Variants in DENND5B observed in about 807,000 individuals in gnomAD.
The protein encoded by DENND5B is DENN domain-containing protein 5B.
DENND5B carries 34 observed loss-of-function variants against 140.6 expected under a neutral mutation model. The ratio of observed to expected loss-of-function variants is 0.24; its 90% confidence interval spans 0.18 to 0.32. DENND5B has a LOEUF of 0.32. DENND5B is among the 10% of genes least tolerant of loss of function. The pLI is 1.00. For missense variants in DENND5B, 1,142 were observed against 1,560.2 expected, an observed-to-expected ratio of 0.73 and a Z score of 4.52; for synonymous variants, 551 against 562.1, an observed-to-expected ratio of 0.98 and a Z score of 0.28.
chr12:31,423,707 A>C (rs750698801), intron 10 of DENND5B, 32 bp from the exon 11 acceptor site: 2 of 1,595,212 alleles, frequency 1.3e-6, no homozygotes, highest in Non-Finnish European at 1.7e-6. Flanking sequence ...AAATTTCATA[A>C]GAAATAATTC....
chr12:31,447,916 CTT>C (rs912256714), intron 5 of DENND5B, 147 bp from the exon 6 acceptor site: 13 of 663,154 alleles, frequency 2.0e-5, no homozygotes, highest in Admixed American at 5.9e-5. Flanking sequence ...TAAAAATCCA[CTT>C]TTCTTTCCAT....
At chr12:31,449,414 T>C (rs1018255491) in intron 5 of DENND5B, among the ~76,000 whole-genome samples, 2 of 152,194 alleles carry the variant, frequency 1.3e-5, no homozygotes, top group African/African-American at 4.8e-5. Flanking sequence ...TTTTCATACA[T>C]CAAATAGCCT....
chr12:31,483,435 T>C (rs1244918827), intron 2 of DENND5B, among the ~76,000 whole-genome samples: 1 of 152,020 alleles, frequency 6.6e-6, no homozygotes, highest in East Asian at 1.9e-4. Context: ...GTGGTTATAG[T>C]ATACATCTTT....
At chr12:31,518,017 G>A (rs1045157103) in intron 1 of DENND5B, among the ~76,000 whole-genome samples, 3 of 152,188 alleles carry the variant, frequency 2.0e-5, no homozygotes, top group Non-Finnish European at 4.4e-5. Context: ...AAAAGCCTGA[G>A]TTCCCAAAGG....
intron 2 of DENND5B, among the ~76,000 whole-genome samples, chr12:31,483,680 C>T (rs1338046243): frequency 2.3e-4 from 34 of 150,906 alleles, no homozygotes; most frequent in Admixed American, 2.1e-3. Context: ...CCTCATGATC[C>T]GCCTGCTTCG....
chr12:31,385,336 G>A lies in DENND5B; in HGVS notation c.*2267C>T, dbSNP rs1275406484. The A allele has an allele frequency of 6.6e-6, 1 of 152,188 alleles. No homozygotes were observed. Among genetic ancestry groups the A allele is most frequent in the African/African-American group, 2.4e-5 (1 of 41,450 alleles). 9.4% of individuals were successfully genotyped at this position (152,188 alleles called of 1,614,324 possible). A position where few individuals can be genotyped will look rare whatever the true frequency, so the allele number is the denominator to read the frequency against. Reference sequence around the variant, plus strand: ...GTCAGTAACCAGCTGTGGGGTAAGTGTAAGATTTAATCTCTCTATTCCTTA... The same window carrying A: ...GTCAGTAACCAGCTGTGGGGTAAGTATAAGATTTAATCTCTCTATTCCTTA... On this transcript the variant is annotated 3_prime_UTR_variant, in exon 21 of 21. Transcript: ENST00000389082.
chr12:31,467,660 C>CA (rs1414372079), intron 3 of DENND5B, among the ~76,000 whole-genome samples: 1 of 152,030 alleles, frequency 6.6e-6, no homozygotes, highest in Admixed American at 6.6e-5. Context: ...TAAATTTAAA[C>CA]AAAACCAAGT....
At chr12:31,590,460 C>T in intron 1 of DENND5B, 1 of 365,816 alleles carries the variant, frequency 2.7e-6, no homozygotes, top group Non-Finnish European at 4.7e-6. Context: ...GGGCCACCCC[C>T]GCGCCTGTTA....
At chr12:31,440,542 A>C (rs1943985454) in intron 7 of DENND5B, among the ~76,000 whole-genome samples, 1 of 152,236 alleles carries the variant, frequency 6.6e-6, no homozygotes, top group African/African-American at 2.4e-5. Context: ...CATTTTCTAC[A>C]AGAGGAGAAA....
At chr12:31,391,642 T>A (rs969230737) in intron 19 of DENND5B, among the ~76,000 whole-genome samples, 2 of 152,128 alleles carry the variant, frequency 1.3e-5, no homozygotes, top group Non-Finnish European at 2.9e-5. Context: ...ATACTTGATA[T>A]TTATTTATCA....
chr12:31,529,219 G>C lies in DENND5B; in HGVS notation c.128-33300C>G, dbSNP rs76451029. Among the ~76,000 whole-genome samples the C allele has an allele frequency of 8.4e-3, 1,260 of 150,406 alleles. 14 individuals are homozygous for C. The highest frequency in any genetic ancestry group is 0.029 in the African/African-American group (1,208 of 41,048). On this transcript the variant is annotated intron_variant, in intron 1 of 20. Transcript: ENST00000389082. ...ATGAGGTATTGGATGAGATAACCAAGGGAGAAGATGATGACAGCAATCTAT... is the reference window on the plus strand; with the variant it reads ...ATGAGGTATTGGATGAGATAACCAACGGAGAAGATGATGACAGCAATCTAT...
intron 1 of DENND5B, among the ~76,000 whole-genome samples, chr12:31,574,291 TA>T (rs1949930564): frequency 1.4e-5 from 2 of 145,276 alleles, no homozygotes; most frequent in African/African-American, 5.1e-5. Context: ...ATAATAATAA[TA>T]ATAATTTAAA....
At chr12:31,533,109 A>G (rs1948345807) in intron 1 of DENND5B, among the ~76,000 whole-genome samples, 1 of 152,236 alleles carries the variant, frequency 6.6e-6, no homozygotes, top group Non-Finnish European at 1.5e-5. Flanking sequence ...CTACATGTAA[A>G]TAAGCTCACA....
At position 31,427,380 on chromosome 12, in the gene DENND5B, G is replaced by C. The variant is rs966278230; in HGVS notation, c.2107-956C>G. ...AGCACTTTGGGAAGCCGAGGTGGGTGGATCACCAGAGGTCAGGAGCACGTG... is the reference window on the plus strand; with the variant it reads ...AGCACTTTGGGAAGCCGAGGTGGGTCGATCACCAGAGGTCAGGAGCACGTG... On this transcript the variant is annotated intron_variant, in intron 8 of 20. Transcript: ENST00000389082. Among the ~76,000 whole-genome samples the C allele has an allele frequency of 3.3e-5, 5 of 152,144 alleles. No individual in the cohort carries two copies. In the East Asian group the frequency reaches 9.7e-4, roughly 29 times the overall value.
intron 2 of DENND5B, among the ~76,000 whole-genome samples, chr12:31,488,148 G>A: frequency 1.4e-5 from 1 of 72,042 alleles, no homozygotes; most frequent in East Asian, 3.7e-4. Flanking sequence ...TTTTTTTTTT[G>A]TACTTTTAGT....
At chr12:31,476,354 T>C (rs1443276171) in intron 3 of DENND5B, among the ~76,000 whole-genome samples, 2 of 151,666 alleles carry the variant, frequency 1.3e-5, no homozygotes, top group Admixed American at 6.6e-5. Context: ...TATAGAAGAT[T>C]ATATGGGACT....
At chr12:31,461,034 A>G (rs1341094115) in intron 3 of DENND5B, among the ~76,000 whole-genome samples, 2 of 152,012 alleles carry the variant, frequency 1.3e-5, no homozygotes, top group Non-Finnish European at 2.9e-5. Flanking sequence ...CCAGTGTAAC[A>G]TTTTTGATCA....
chr12:31,557,814 C>CAA (rs71445804), intron 1 of DENND5B, among the ~76,000 whole-genome samples: 42 of 80,896 alleles, frequency 5.2e-4, no homozygotes, highest in South Asian at 1.0e-3. Context: ...GCTGTGGTGG[C>CAA]AAAAAAAAAA....
intron 1 of DENND5B, chr12:31,540,857 A>C (rs1189665126): frequency 3.2e-6 from 1 of 311,802 alleles, no homozygotes; most frequent in Admixed American, 3.7e-5. Flanking sequence ...CAGACACATT[A>C]GACCAGTGAA....
Sources: allele counts gnomAD v4.1 joint callset (sites outside exome capture counted in the v4.1 genomes callset), GRCh38; gene constraint gnomAD v4.1.1; transcripts MANE v1.5; gene names NCBI Gene and HGNC (gene_info 2026-07-23, HGNC 2026-07-21).